SFSWAP: variants seen among roughly 807,000 people sequenced by gnomAD.
SFSWAP encodes the protein splicing factor SWAP, also known as splicing factor, suppressor of white-apricot homolog.
SFSWAP carries 17 observed loss-of-function variants against 100.7 expected under a neutral mutation model. The observed-to-expected ratio is 0.17, with a 90% CI of 0.12 to 0.25. SFSWAP has a LOEUF of 0.25. Ranked by LOEUF, SFSWAP falls within the 10% of genes least tolerant of loss-of-function variation. SFSWAP has a pLI of 1.00. For synonymous variants in SFSWAP, 504 were observed against 510.1 expected, an observed-to-expected ratio of 0.99 and a Z score of 0.16; for missense variants, 1,005 against 1,262.6, an observed-to-expected ratio of 0.80 and a Z score of 3.09.
At position 131,786,585 on chromosome 12, in the gene SFSWAP, C is replaced by A. The variant is rs1244835020; in HGVS notation, c.2531C>A (p.Ser844Tyr). 4 of 1,588,804 alleles carry A rather than the reference C, an allele frequency of 2.5e-6. No individual in the cohort carries two copies. In the African/African-American group the frequency reaches 5.4e-5, roughly 21 times the overall value. ...GGGGCCAGTAGGAAGCGGACCCGCTCCAGGTAGGCCACTGGGTGTGCACGC... is the reference window on the plus strand; with the variant it reads ...GGGGCCAGTAGGAAGCGGACCCGCTACAGGTAGGCCACTGGGTGTGCACGC... The part of the protein sequence containing the change: ...SPGASRKRTR[S>Y]RSPHEKKKKR... The change falls in exon 15 of 18, where the codon TCC becomes TAC. Residue 844 changes from serine (S) to tyrosine (Y), a missense_variant. Ser to Tyr is a moderately radical substitution (Grantham distance 144). This residue lies in a region of SFSWAP where 295 missense variants were observed against 347.9 expected (regional missense o/e 0.85). Coordinates refer to ENST00000261674, the MANE Select transcript of SFSWAP (RefSeq NM_004592.4).
At chr12:131,777,874 A>G (rs1884151672) in intron 13 of SFSWAP, among the ~76,000 whole-genome samples, 191 bp from the exon 14 acceptor site, 1 of 152,206 alleles carries the variant, frequency 6.6e-6, no homozygotes, top group African/African-American at 2.4e-5. Context: ...CGGGAACCAG[A>G]GGGTTCACTT....
intron 14 of SFSWAP, among the ~76,000 whole-genome samples, chr12:131,781,331 G>A (rs1313236362): frequency 1.3e-5 from 2 of 148,588 alleles, no homozygotes; most frequent in African/African-American, 5.0e-5. Context: ...TCTGCCTCCC[G>A]GGTTCACACC....
Position 131,725,608 on chromosome 12 carries a change from A to T in SFSWAP, c.810A>T (p.Glu270Asp). ...AGGGACGCTACACTGTCCTGGCAGA[A>T]AACAAAAGTGACGAGAAAAAAAGTA... ...MKEGRYTVLA[E>D]NKSDEKKKSG... is the part of the protein sequence containing the mutation. Residue 270 changes from glutamate (E) to aspartate (D), a missense_variant, in exon 5 of 18, where the codon GAA (glutamate) becomes GAT (aspartate). Glu to Asp is a conservative substitution (Grantham distance 45). Coordinates refer to ENST00000261674, the MANE Select transcript of SFSWAP (RefSeq NM_004592.4). This position sits in a 1 kb window ranked among gnomAD's most constrained non-coding sequence, Gnocchi z 4.3. The T allele has an allele frequency of 6.2e-7, 1 of 1,613,966 alleles. No homozygotes were observed. The highest frequency in any genetic ancestry group is 8.5e-7 in the Non-Finnish European group (1 of 1,179,930).
chr12:131,789,219 C>T (rs1885090277), intron 15 of SFSWAP, among the ~76,000 whole-genome samples: 1 of 152,168 alleles, frequency 6.6e-6, no homozygotes, highest in African/African-American at 2.4e-5. Flanking sequence ...TGAGCTCAAG[C>T]AGTCTGCCTA....
chr12:131,755,205 C>T (rs949170834), intron 9 of SFSWAP, among the ~76,000 whole-genome samples, 181 bp from the exon 10 acceptor site: 1 of 152,120 alleles, frequency 6.6e-6, no homozygotes, highest in East Asian at 1.9e-4. Flanking sequence ...ACCTGTGTAA[C>T]CCCGGGCAAG....
chr12:131,755,343 C>T (rs761535609), intron 9 of SFSWAP, 43 bp from the exon 10 acceptor site: 13 of 1,389,192 alleles, frequency 9.4e-6, no homozygotes, highest in African/African-American at 1.4e-5. Flanking sequence ...CTTCAGTGAG[C>T]TTGTCTTGGT....
intron 14 of SFSWAP, among the ~76,000 whole-genome samples, chr12:131,780,065 C>T (rs1470821020): frequency 1.3e-5 from 2 of 152,204 alleles, no homozygotes; most frequent in African/African-American, 4.8e-5. Flanking sequence ...GGGTTACAGG[C>T]GTGAGCCACT....
Position 131,727,057 on chromosome 12 carries a change from T to G in SFSWAP, c.945+5T>G. 6 of 1,512,786 alleles carry G rather than the reference T, an allele frequency of 4.0e-6. No individual in the cohort carries two copies. Among genetic ancestry groups the G allele is most frequent in the Non-Finnish European group, 4.6e-6 (5 of 1,092,804 alleles). 93.7% of individuals were successfully genotyped at this position (1,512,786 alleles called of 1,614,324 possible). ...CGCCTTGAAGAGCTGATGAAGGTTT[T>G]TATCTCATTGTTGAACTATATTTTT... is the stretch of plus-strand genomic sequence containing the variant. On this transcript the variant is annotated splice_donor_5th_base_variant and intron_variant, in intron 6 of 17. Transcript: ENST00000261674.
Position 131,728,411 on chromosome 12 carries a change from T to C in SFSWAP, c.1064T>C (p.Val355Ala). ...GGTGCGCCTGTGCAGCCCTCCCAGG[T>C]GGAGTACACGGCAGACTGTGAGTAC... ...ADGAPVQPSQ[V>A]EYTADSTVAA... Residue 355 changes from valine to alanine, a missense_variant, in exon 7 of 18, where the codon GTG becomes GCG. By Grantham distance (64) the Val-to-Ala change is moderately conservative. This residue lies in a region of SFSWAP where 311 missense variants were observed against 317.8 expected (regional missense o/e 0.98). Coordinates refer to ENST00000261674, the MANE Select transcript of SFSWAP (RefSeq NM_004592.4). 1 of 1,614,162 alleles carries C rather than the reference T, an allele frequency of 6.2e-7. No individual in the cohort carries two copies. Among genetic ancestry groups the C allele is most frequent in the Non-Finnish European group, 8.5e-7 (1 of 1,180,032 alleles).
chr12:131,726,162 A>G (rs1406891136), intron 5 of SFSWAP, among the ~76,000 whole-genome samples: 2 of 146,130 alleles, frequency 1.4e-5, no homozygotes, highest in East Asian at 2.6e-4. Flanking sequence ...CTATTCATAT[A>G]TATGTATATA....
intron 9 of SFSWAP, 103 bp from the exon 10 acceptor site, chr12:131,755,283 G>T: frequency 1.3e-6 from 1 of 787,752 alleles, no homozygotes; most frequent in Non-Finnish European, 2.1e-6. Flanking sequence ...TAACCACCTT[G>T]TGGGATTGTT....
chr12:131,799,341 CAACTCGTTGATG>C, intron 17 of SFSWAP, 70 bp from the exon 18 acceptor site: 5 of 1,438,338 alleles, frequency 3.5e-6, no homozygotes, highest in Non-Finnish European at 4.9e-6. Context: ...TCTTGACCAC[CAACTCGTTGATG>C]AATTTCTTCA....
intron 11 of SFSWAP, among the ~76,000 whole-genome samples, chr12:131,761,194 G>A (rs1593160288): frequency 6.6e-6 from 1 of 152,166 alleles, no homozygotes; most frequent in African/African-American, 2.4e-5. Flanking sequence ...TATTGGAATT[G>A]CAATTGATCT....
At chr12:131,721,303 A>ATTTCTAG (rs1878457250) in intron 4 of SFSWAP, among the ~76,000 whole-genome samples, 1 of 152,140 alleles carries the variant, frequency 6.6e-6, no homozygotes, top group Non-Finnish European at 1.5e-5. Context: ...ATATTACTAC[A>ATTTCTAG]TATGTTTGTT....
At position 131,740,966 on chromosome 12, in the gene SFSWAP, C is replaced by CTTTTTTTTTTT. The variant is rs60047663; in HGVS notation, c.1082-12143_1082-12133dup. ...TCATTTCTTTTTTTTTCTTTTTTTT[C>CTTTTTTTTTTT]TTTTTTTTTTTTTTTTTTTTTTTTG... On this transcript the variant is annotated intron_variant, in intron 7 of 17. Transcript: ENST00000261674. 2.5e-3 allele frequency among the ~76,000 whole-genome samples: 177 copies of CTTTTTTTTTTT among 70,162 alleles called. 3 individuals are homozygous for CTTTTTTTTTTT. The highest frequency in any genetic ancestry group is 5.6e-3 in the East Asian group (11 of 1,968). 46.0% of individuals were successfully genotyped at this position (70,162 alleles called of 152,430 possible).
chr12:131,781,653 C>T (rs1884515901), intron 14 of SFSWAP, among the ~76,000 whole-genome samples: 1 of 152,096 alleles, frequency 6.6e-6, no homozygotes, highest in South Asian at 2.1e-4. Flanking sequence ...GTGTGGTTTC[C>T]ACCGTGATGG....
chr12:131,745,316 A>G (rs967185066), intron 7 of SFSWAP, among the ~76,000 whole-genome samples: 4 of 152,210 alleles, frequency 2.6e-5, no homozygotes, highest in Non-Finnish European at 5.9e-5. Context: ...GCCAGAAGGG[A>G]TCTTTTAGGA....
At chr12:131,789,548 G>A (rs113086050) in intron 15 of SFSWAP, among the ~76,000 whole-genome samples, 1 of 152,086 alleles carries the variant, frequency 6.6e-6, no homozygotes, top group Non-Finnish European at 1.5e-5. Context: ...AAAAAAAAGT[G>A]TACAATAAAC....
In SFSWAP at chr12:131,714,729, T is replaced by C; in HGVS notation, c.389-93T>C. The C allele has an allele frequency of 8.7e-7, 1 of 1,155,820 alleles. No homozygotes were observed. Among genetic ancestry groups the C allele is most frequent in the East Asian group, 2.6e-5 (1 of 39,004 alleles). The allele number at this position is 1,155,820 out of a possible 1,614,324, so 71.6% of individuals were successfully genotyped here. ...AAAGTAGGTTGAAAAAAGTATGTTG[T>C]ATGCTTTACTGATAGCTACAACTTT... On this transcript the variant is annotated intron_variant, in intron 2 of 17. Transcript: ENST00000261674. The surrounding 1 kb of genome is among the most constrained non-coding windows in gnomAD (Gnocchi z 6.0).
Sources: allele counts gnomAD v4.1 joint callset (sites outside exome capture counted in the v4.1 genomes callset), GRCh38; gene constraint gnomAD v4.1.1; regional missense constraint gnomAD v4.1.1; non-coding constraint Gnocchi (gnomAD v3.1); transcripts MANE v1.5; gene names NCBI Gene and HGNC (gene_info 2026-07-23, HGNC 2026-07-21).